CHD8: variants seen among roughly 807,000 people sequenced by gnomAD.
CHD8 encodes the protein ATP-dependent chromatin remodeler CHD8.
In CHD8, 31 loss-of-function variants were observed where a neutral mutation model predicts 279.2. The observed-to-expected ratio is 0.11, with a 90% CI of 0.08 to 0.15. The LOEUF is 0.15. CHD8 is among the 10% of genes least tolerant of loss of function. The probability of loss-of-function intolerance (pLI) is 1.00; values close to 1 mark genes in which losing one functional copy is unlikely to be tolerated. For synonymous variants in CHD8, 1,081 were observed against 1,139.6 expected (o/e 0.95, Z 1.04); for missense variants, 2,146 against 3,230.5 (o/e 0.66, Z 8.14).
In CHD8 at chr14:21,428,048, G is replaced by A; in HGVS notation, c.1422C>T (p.Ala474=). 1.2e-6 allele frequency: 2 copies of A among 1,614,018 alleles called. No homozygotes were observed. Among genetic ancestry groups the A allele is most frequent in the Non-Finnish European group, 1.7e-6 (2 of 1,179,898 alleles). Residue 474 remains alanine, a synonymous_variant, in exon 4 of 38, where the codon GCC becomes GCT. Transcript: ENST00000646647. ...IVAEAIARAR[A]RGEQNIPRVL... ...CTCGAGGTATGTTCTGCTCACCGCG[G>A]GCACGGGCTCTCGCAATGGCCTCTG...
intron 10 of CHD8, 77 bp downstream of exon 10, chr14:21,412,836 G>T: frequency 1.1e-6 from 1 of 901,622 alleles, no homozygotes; most frequent in Non-Finnish European, 1.8e-6. Context: ...ATCCATACCC[G>T]AAAAATAAAG....
intron 27 of CHD8, chr14:21,397,271 A>T (rs753446519): frequency 2.0e-6 from 1 of 510,488 alleles, no homozygotes; most frequent in Non-Finnish European, 3.9e-6. Context: ...GGAGGTATTC[A>T]TTAAGCCAAC....
At chr14:21,439,863 A>G (rs900145193) in intron 1 of CHD8, among the ~76,000 whole-genome samples, 1 of 152,238 alleles carries the variant, frequency 6.6e-6, no homozygotes, top group South Asian at 2.1e-4. Flanking sequence ...GCTGCCTTCA[A>G]ATTATACACA....
At position 21,393,655 on chromosome 14, in the gene CHD8, G is replaced by A. The variant is rs1370524151; in HGVS notation, c.6140C>T (p.Pro2047Leu). 1.2e-6 allele frequency: 2 copies of A among 1,613,790 alleles called. No individual in the cohort carries two copies. The highest frequency in any genetic ancestry group is 1.1e-5 in the South Asian group (1 of 91,078). The change falls in exon 32 of 38, where the codon CCC becomes CTC. Residue 2047 changes from proline (P) to leucine (L), a missense_variant. By Grantham distance (98) the Pro-to-Leu change is moderately conservative. This residue lies in a region of CHD8 where 513 missense variants were observed against 637.6 expected (regional missense o/e 0.80). Transcript: ENST00000646647. ...TPQDYEMRVS[P>L]SDTTPLVSRS... Reference sequence around the variant, plus strand: ...GGAAACCAGAGGGGTAGTATCAGAGGGGGATACTCGCATCTCATAGTCTTG... The same window carrying A: ...GGAAACCAGAGGGGTAGTATCAGAGAGGGATACTCGCATCTCATAGTCTTG...
At chr14:21,454,484 A>AT (rs1054815499) in intron 1 of CHD8, among the ~76,000 whole-genome samples, 14 of 151,360 alleles carry the variant, frequency 9.2e-5, no homozygotes, top group South Asian at 4.2e-4. Context: ...TGCCCGGCTA[A>AT]TTTTTTTTTG....
chr14:21,428,888 A>T, intron 3 of CHD8, 76 bp downstream of exon 3: 1 of 1,368,016 alleles, frequency 7.3e-7, no homozygotes. Flanking sequence ...TTCAAGAATA[A>T]GTGGTTGCTG....
intron 1 of CHD8, chr14:21,437,222 C>T (rs1308369583): frequency 2.5e-6 from 3 of 1,184,734 alleles, no homozygotes; most frequent in Admixed American, 3.7e-5. Flanking sequence ...GCCGGTTCGC[C>T]CCTCTCCCTG....
At position 21,395,559 on chromosome 14, in the gene CHD8, A is replaced by T. The variant is rs1013760498; in HGVS notation, c.5128-207T>A. On this transcript the variant is annotated intron_variant, in intron 28 of 37. Transcript: ENST00000646647. ...CCTGAAAGGTCAGTTCCTATTAACG[A>T]CTCAAAGATAATAGAAGTCAGGAAT... 1.5e-5 allele frequency: 9 copies of T among 591,678 alleles called. No individual in the cohort carries two copies. The East Asian group carries it at 2.5e-4, about 16-fold the overall frequency. 36.7% of individuals were successfully genotyped at this position (591,678 alleles called of 1,614,324 possible).
intron 5 of CHD8, chr14:21,416,195 G>C (rs963984165): frequency 3.3e-6 from 1 of 304,146 alleles, no homozygotes; most frequent in Non-Finnish European, 6.0e-6. Context: ...CAGGCTGCAG[G>C]GTGCAATATA....
chr14:21,437,590 C>T (rs1279975740), intron 1 of CHD8, among the ~76,000 whole-genome samples: 3 of 152,126 alleles, frequency 2.0e-5, no homozygotes, highest in African/African-American at 4.8e-5. Flanking sequence ...GGGAGGGTTC[C>T]GCGCTAGGCC....
chr14:21,428,132 C>T lies in CHD8; in HGVS notation c.1338G>A (p.Met446Ile). The part of the protein sequence containing the change: ...SAPHSGGKTG[M>I]EENRRLEHQK... ...GGTGTTCCAATCTGCGGTTTTCCTC[C>T]ATTCCTGTCTTTCCCCCCGAATGAG... Residue 446 changes from methionine to isoleucine, a missense_variant, in exon 4 of 38, where the codon ATG becomes ATA. By Grantham distance (10) the Met-to-Ile change is conservative. Coordinates refer to ENST00000646647, the MANE Select transcript of CHD8 (RefSeq NM_001170629.2). The T allele has an allele frequency of 6.2e-7, 1 of 1,614,024 alleles. No homozygotes were observed. The highest frequency in any genetic ancestry group is 8.5e-7 in the Non-Finnish European group (1 of 1,179,910).
Position 21,395,076 on chromosome 14 carries a change from G to A in CHD8, c.5226C>T (p.Gly1742=), listed in dbSNP as rs773587952. 1 of 1,613,958 alleles carries A rather than the reference G, an allele frequency of 6.2e-7. No homozygotes were observed. The highest frequency in any genetic ancestry group is 1.1e-5 in the South Asian group (1 of 91,086). Residue 1742 remains glycine (G), a synonymous_variant, in exon 30 of 38, where the codon GGC becomes GGT. Coordinates refer to ENST00000646647, the MANE Select transcript of CHD8 (RefSeq NM_001170629.2). The stretch of plus-strand genomic sequence containing the variant: ...GCCGAAGCCTAGCTGTTAGGGCAGA[G>A]CCCGGAGGCCAGAATAAATGGCCTG... ...QQPGHLFWPP[G]SALTARLRRL...
At chr14:21,454,883 A>G (rs1395839780) in intron 1 of CHD8, 1 of 152,254 alleles carries the variant, frequency 6.6e-6, no homozygotes, top group East Asian at 1.9e-4. Context: ...AATACAAAAG[A>G]AATTCCTAAG....
At position 21,392,622 on chromosome 14, in the gene CHD8, C is replaced by A. The variant is rs779003135; in HGVS notation, c.6656G>T (p.Ser2219Ile). Residue 2219 changes from serine (S) to isoleucine (I), a missense_variant, in exon 34 of 38, where the codon AGT becomes ATT. By Grantham distance (142) the Ser-to-Ile change is moderately radical (BLOSUM62 -2). Transcript: ENST00000646647. ...CTCCTCTGCCATGGAAGCTGCACTA[C>A]TACTTCGTGGTGTGGGGACTGGAGA... Reference protein sequence around the residue: ...GDSPVPTPRSSSAASMAEEEA... With the variant: ...GDSPVPTPRSISAASMAEEEA... 13 of 1,613,894 alleles carry A rather than the reference C, an allele frequency of 8.1e-6. No homozygotes were observed. The highest frequency in any genetic ancestry group is 1.0e-5 in the Non-Finnish European group (12 of 1,179,902).
At chr14:21,437,050 A>AGGG in intron 1 of CHD8, 1 of 340,738 alleles carries the variant, frequency 2.9e-6, no homozygotes, top group Non-Finnish European at 4.9e-6. Flanking sequence ...GATGGCCAAG[A>AGGG]CGGGAAGATG....
intron 20 of CHD8, 114 bp downstream of exon 20, chr14:21,401,843 C>G (rs1888052450): frequency 9.8e-7 from 1 of 1,019,158 alleles, no homozygotes; most frequent in Admixed American, 2.5e-5. Context: ...GCCTCAGCCT[C>G]CCAAAGTGCT....
intron 1 of CHD8, among the ~76,000 whole-genome samples, chr14:21,435,219 A>G (rs1160336530): frequency 6.6e-6 from 1 of 152,246 alleles, no homozygotes; most frequent in Non-Finnish European, 1.5e-5. Context: ...GTAGGGGGTG[A>G]GGGATGGCAG....
intron 1 of CHD8, among the ~76,000 whole-genome samples, chr14:21,444,986 TACC>T (rs1422795578): frequency 6.6e-6 from 1 of 152,182 alleles, no homozygotes; most frequent in Non-Finnish European, 1.5e-5. Context: ...CCTATCCCAC[TACC>T]ACATGTGCAC....
chr14:21,394,982 C>A lies in CHD8; in HGVS notation c.5320G>T (p.Asp1774Tyr). The A allele has an allele frequency of 6.2e-7, 1 of 1,614,032 alleles. No homozygotes were observed. Among genetic ancestry groups the A allele is most frequent in the Non-Finnish European group, 8.5e-7 (1 of 1,179,906 alleles). The change falls in exon 30 of 38, where the codon GAC (aspartate) becomes TAC (tyrosine). Residue 1774 changes from aspartate (D) to tyrosine (Y), a missense_variant. Transcript: ENST00000646647. ...QMKIEAAERGDRRRRRCEAAF... is the reference protein window; with the variant it reads ...QMKIEAAERGYRRRRRCEAAF... ...GCTTCACAACGCCGCCTTCGCCGGTCCCCACGTTCTGCAGCCTCTATCTTC... is the reference window on the plus strand; with the variant it reads ...GCTTCACAACGCCGCCTTCGCCGGTACCCACGTTCTGCAGCCTCTATCTTC...
Sources: gnomAD v4.1 joint callset for allele counts (sites outside exome capture counted in the v4.1 genomes callset) on GRCh38, gnomAD v4.1.1 for gene constraint, gnomAD v4.1.1 regional missense constraint, MANE v1.5 for transcripts, NCBI Gene and HGNC (gene_info 2026-07-23, HGNC 2026-07-21) for gene names.